The following PCDHA7 variants were observed in gnomAD, a reference collection of about 807,000 sequenced individuals.
PCDHA7 encodes the protein protocadherin alpha 7.
Under a neutral mutation model 57.2 loss-of-function variants are expected in PCDHA7, and 37 were observed. That is an observed-to-expected ratio of 0.65 (90% confidence interval 0.50 to 0.85). PCDHA7 has a LOEUF of 0.85. Among genes scored for constraint, PCDHA7 ranks in the 40% least tolerant of loss-of-function variants. The pLI, the probability that PCDHA7 is intolerant of heterozygous loss-of-function variation, is 0.00. For missense variants in PCDHA7, 1,188 were observed against 1,241.8 expected (o/e 0.96, Z 0.65); for synonymous variants, 553 against 558.8 (o/e 0.99, Z 0.15).
intron 1 of PCDHA7, among the ~76,000 whole-genome samples, chr5:140,897,323 T>TCCCTCCC (rs2065998893): frequency 1.7e-5 from 2 of 114,654 alleles, no homozygotes; most frequent in South Asian, 6.8e-4. Flanking sequence ...CCTAAAGCTA[T>TCCCTCCC]CCCTCCCCCC....
chr5:140,841,669 T>A, intron 1 of PCDHA7: 1 of 1,614,020 alleles, frequency 6.2e-7, no homozygotes, highest in East Asian at 2.2e-5. Flanking sequence ...CGCTGCAGGT[T>A]TTCCATGTGG....
In PCDHA7 at chr5:140,846,436, G is replaced by T. The variant is rs191314082; in HGVS notation, c.2355+9698G>T. ...ATCTCCCAGGCTGGAATGCAGTGGCGCAATCTCGGCTCACTGCAACCTCTG... is the reference window on the plus strand; with the variant it reads ...ATCTCCCAGGCTGGAATGCAGTGGCTCAATCTCGGCTCACTGCAACCTCTG... On this transcript the variant is annotated intron_variant, in intron 1 of 3. Transcript: ENST00000525929. 7.4e-4 allele frequency among the ~76,000 whole-genome samples: 97 copies of T among 131,384 alleles called. 7 individuals carry two copies. The highest frequency in any genetic ancestry group is 2.7e-3 in the Admixed American group (32 of 11,706). The allele number at this position is 131,384 out of a possible 152,430, so 86.2% of individuals were successfully genotyped here.
chr5:140,857,428 G>T (rs782142394), intron 1 of PCDHA7: 3 of 1,598,342 alleles, frequency 1.9e-6, no homozygotes, highest in Non-Finnish European at 2.6e-6. Context: ...CCGAGTACAC[G>T]GTGTTCGTGA....
chr5:140,846,510 G>A (rs1179802495), intron 1 of PCDHA7, among the ~76,000 whole-genome samples: 11 of 147,866 alleles, frequency 7.4e-5, no homozygotes, highest in African/African-American at 2.7e-4. Flanking sequence ...AAGTAGCTGG[G>A]ATTACAGGTG....
chr5:141,007,395 CAAAAAA>C (rs35800918), intron 3 of PCDHA7, among the ~76,000 whole-genome samples: 3 of 94,844 alleles, frequency 3.2e-5, no homozygotes, highest in East Asian at 2.9e-4. Flanking sequence ...TACTAAAATA[CAAAAAA>C]AAAAAAAAAA....
intron 3 of PCDHA7, among the ~76,000 whole-genome samples, chr5:141,000,419 A>ATTTT (rs1563652468): frequency 3.0e-4 from 18 of 60,988 alleles, no homozygotes; most frequent in East Asian, 5.4e-4. Context: ...ATATATATAT[A>ATTTT]TATTTTTTTT....
chr5:140,918,955 T>G lies in PCDHA7; in HGVS notation c.2356-59994T>G, dbSNP rs904506594. Among the ~76,000 whole-genome samples, 3 of 152,258 alleles carry G rather than the reference T, an allele frequency of 2.0e-5. 1 individual carries two copies. Among genetic ancestry groups the G allele is most frequent in the African/African-American group, 7.2e-5 (3 of 41,472 alleles). ...TTTTGTTATAATATCCTGAACAGAC[T>G]AAGACAGATATCGTTTAGGTTAGTT... On this transcript the variant is annotated intron_variant, in intron 1 of 3. Transcript: ENST00000525929.
chr5:140,861,923 A>G (rs898939301), intron 1 of PCDHA7: 1 of 153,990 alleles, frequency 6.5e-6, no homozygotes, highest in African/African-American at 2.4e-5. Flanking sequence ...GCTGGATGTA[A>G]ATGATGATGC....
intron 1 of PCDHA7, among the ~76,000 whole-genome samples, chr5:140,889,945 C>A (rs2153428950): frequency 6.6e-6 from 1 of 152,212 alleles, no homozygotes; most frequent in Non-Finnish European, 1.5e-5. Flanking sequence ...TTGTGAGAAG[C>A]CAAATGGATA....
intron 1 of PCDHA7, among the ~76,000 whole-genome samples, chr5:140,901,939 A>G (rs1583441166): frequency 6.6e-6 from 1 of 151,884 alleles, no homozygotes; most frequent in Non-Finnish European, 1.5e-5. Flanking sequence ...TCCTAGGTAT[A>G]TTTAGTTTTA....
chr5:140,961,007 T>C (rs2095583572), intron 1 of PCDHA7, among the ~76,000 whole-genome samples: 1 of 152,230 alleles, frequency 6.6e-6, no homozygotes, highest in Non-Finnish European at 1.5e-5. Context: ...GCTGCTGGAC[T>C]GCATGGACAC....
intron 1 of PCDHA7, chr5:140,969,317 G>A (rs1554231675): frequency 6.2e-7 from 1 of 1,614,156 alleles, no homozygotes; most frequent in East Asian, 2.2e-5. Context: ...AAATGAGGCT[G>A]TTTCTCAAAA....
intron 1 of PCDHA7, among the ~76,000 whole-genome samples, chr5:140,838,461 T>C (rs2150289673): frequency 4.0e-5 from 6 of 151,692 alleles, no homozygotes; most frequent in Non-Finnish European, 7.4e-5. Context: ...ATTATTTCAT[T>C]AGCGCTTATT....
chr5:140,855,687 GA>G (rs1455055346), intron 1 of PCDHA7, among the ~76,000 whole-genome samples: 4 of 149,608 alleles, frequency 2.7e-5, no homozygotes, highest in Admixed American at 2.0e-4. Context: ...CTACATTTAA[GA>G]AAACATTGCA....
At chr5:140,859,812 C>T (rs1238470034) in intron 1 of PCDHA7, 3 of 152,286 alleles carry the variant, frequency 2.0e-5, no homozygotes, top group African/African-American at 7.3e-5. Flanking sequence ...TAAGTTAATG[C>T]AGAGTTTAGA....
intron 1 of PCDHA7, among the ~76,000 whole-genome samples, chr5:140,911,116 C>G (rs1184319768): frequency 6.6e-6 from 1 of 152,142 alleles, no homozygotes; most frequent in Non-Finnish European, 1.5e-5. Flanking sequence ...GAAGCCATCA[C>G]TGTTGCCTCA....
chr5:140,979,186 C>T, intron 2 of PCDHA7, 179 bp downstream of exon 2: 2 of 914,118 alleles, frequency 2.2e-6, no homozygotes, highest in Non-Finnish European at 2.6e-6. Context: ...ATGGTCAGTG[C>T]CAGATGCTTA....
intron 1 of PCDHA7, chr5:140,867,533 T>C (rs2050017163): frequency 6.6e-6 from 1 of 152,110 alleles, no homozygotes. Flanking sequence ...AATATATATA[T>C]AAAATATTAG....
In PCDHA7 at chr5:140,974,947, C is replaced by T. The variant is rs145175873; in HGVS notation, c.2356-4002C>T. On this transcript the variant is annotated intron_variant, in intron 1 of 3. Coordinates refer to ENST00000525929, the MANE Select transcript of PCDHA7 (RefSeq NM_018910.3). ...GTTTAAAACACCACCTATTTGTTAT[C>T]TCACAGTCCTGTACCATGTGGCTGA... is the stretch of plus-strand genomic sequence containing the variant. 2.7e-3 allele frequency among the ~76,000 whole-genome samples: 417 copies of T among 152,322 alleles called. 3 individuals carry two copies. The highest frequency in any genetic ancestry group is 2.1e-3 in the Non-Finnish European group (142 of 68,022).
Sources: gnomAD v4.1 joint callset for allele counts (sites outside exome capture counted in the v4.1 genomes callset) on GRCh38, gnomAD v4.1.1 for gene constraint, MANE v1.5 for transcripts, NCBI Gene and HGNC (gene_info 2026-07-23, HGNC 2026-07-21) for gene names.